Variants in GPR149 observed in about 807,000 individuals in gnomAD.
GPR149 encodes probable G protein-coupled receptor 149.
A neutral mutation model predicts 50.2 loss-of-function variants in GPR149; 50 were observed. The ratio of observed to expected loss-of-function variants is 1.00; its 90% confidence interval spans 0.79 to 1.26. The LOEUF (loss-of-function observed/expected upper bound fraction) is 1.26, where lower values mean the gene tolerates loss of function less well. Among genes scored for constraint, GPR149 ranks in the 50% most tolerant of loss-of-function variants. The pLI, the probability that GPR149 is intolerant of heterozygous loss-of-function variation, is 0.00. For synonymous variants in GPR149, 405 were observed against 358.2 expected (o/e 1.13, Z -1.48); for missense variants, 983 against 895.4 (o/e 1.10, Z -1.25).
At chr3:154,385,723 A>G (rs701119) in intron 3 of GPR149, among the ~76,000 whole-genome samples, 113,772 of 147,660 alleles carry the variant, frequency 0.77, 44,735 homozygotes, top group Middle Eastern at 0.91. Flanking sequence ...TTTTTTTTAT[A>G]AGGAGTCTTG....
At chr3:154,369,729 T>C (rs1472485919) in intron 3 of GPR149, among the ~76,000 whole-genome samples, 2 of 152,250 alleles carry the variant, frequency 1.3e-5, no homozygotes, top group Non-Finnish European at 2.9e-5. Context: ...AATTCTCAAA[T>C]GATCCTTATA....
chr3:154,408,072 T>C (rs1181788015), intron 3 of GPR149, among the ~76,000 whole-genome samples: 1 of 152,122 alleles, frequency 6.6e-6, no homozygotes, highest in Non-Finnish European at 1.5e-5. Flanking sequence ...AAAATAAATA[T>C]CTGTGAATCC....
At chr3:154,353,468 A>T (rs1714136211) in intron 3 of GPR149, 1 of 923,224 alleles carries the variant, frequency 1.1e-6, no homozygotes, top group African/African-American at 1.6e-5. Flanking sequence ...CCACTTCATC[A>T]AGCACAACAT....
chr3:154,369,136 G>A (rs949558744), intron 3 of GPR149, among the ~76,000 whole-genome samples: 6 of 152,150 alleles, frequency 3.9e-5, no homozygotes, highest in African/African-American at 9.7e-5. Context: ...GACTAACCAC[G>A]GGTGTGGGAA....
chr3:154,395,838 T>C (rs1055275731), intron 3 of GPR149, among the ~76,000 whole-genome samples: 2 of 152,148 alleles, frequency 1.3e-5, no homozygotes, highest in African/African-American at 2.4e-5. Context: ...AAATGTGATT[T>C]CTTTATAGAA....
chr3:154,401,634 A>T (rs569077670), intron 3 of GPR149, among the ~76,000 whole-genome samples: 1 of 152,286 alleles, frequency 6.6e-6, no homozygotes, highest in East Asian at 1.9e-4. Flanking sequence ...ATACATTTCA[A>T]CTTTCAGAAG....
intron 3 of GPR149, among the ~76,000 whole-genome samples, chr3:154,415,513 A>G (rs1711960929): frequency 6.6e-6 from 1 of 151,998 alleles, no homozygotes; most frequent in African/African-American, 2.4e-5. Context: ...TCTAAACTAT[A>G]CCAGATAATG....
intron 3 of GPR149, among the ~76,000 whole-genome samples, chr3:154,406,232 A>G (rs1257751793): frequency 3.3e-5 from 5 of 152,210 alleles, no homozygotes; most frequent in Non-Finnish European, 5.9e-5. Flanking sequence ...TTTCTCTCCT[A>G]TCACACTGGA....
intron 3 of GPR149, chr3:154,353,077 C>T (rs1178472182): frequency 2.1e-6 from 3 of 1,422,738 alleles, no homozygotes; most frequent in Non-Finnish European, 3.0e-6. Flanking sequence ...GCAATATCCC[C>T]ATGTAAACAC....
intron 3 of GPR149, among the ~76,000 whole-genome samples, chr3:154,392,388 C>A (rs544964330): frequency 1.3e-4 from 18 of 143,534 alleles, no homozygotes; most frequent in Non-Finnish European, 2.2e-4. Flanking sequence ...ACAAAAAAAC[C>A]CAAACAAAAA....
rs185539971 is a variant in GPR149, at chr3:154,426,636, C to G, written c.1174+880G>C. On this transcript the variant is annotated intron_variant, in intron 2 of 3. Transcript: ENST00000389740. ...TTCTTCCTGGCAGAGTCAAAATATA[C>G]AGCTCATTCCTCAACACTTTTCTTG... 1.3e-4 allele frequency among the ~76,000 whole-genome samples: 20 copies of G among 152,216 alleles called. No homozygotes were observed. The East Asian group carries it at 1.9e-3, about 15-fold the overall frequency.
chr3:154,345,297 TTACAAG>T (rs1437257018), intron 3 of GPR149, among the ~76,000 whole-genome samples: 3 of 152,234 alleles, frequency 2.0e-5, no homozygotes, highest in Admixed American at 6.5e-5. Context: ...ATGATGATAG[TTACAAG>T]TACATCAGAA....
At chr3:154,345,572 C>T (rs536594635) in intron 3 of GPR149, among the ~76,000 whole-genome samples, 2 of 152,262 alleles carry the variant, frequency 1.3e-5, no homozygotes, top group Non-Finnish European at 2.9e-5. Flanking sequence ...CTTTAAGCCA[C>T]ACAAATGCTC....
intron 3 of GPR149, among the ~76,000 whole-genome samples, chr3:154,380,170 G>GAC (rs1394458968): frequency 5.4e-5 from 1 of 18,518 alleles, no homozygotes; most frequent in East Asian, 1.8e-3. Flanking sequence ...GAGAGACAGA[G>GAC]AGAGAGAGAG....
At chr3:154,402,817 C>T (rs1298463509) in intron 3 of GPR149, among the ~76,000 whole-genome samples, 11 of 152,170 alleles carry the variant, frequency 7.2e-5, no homozygotes, top group Admixed American at 7.2e-4. Flanking sequence ...AACTTGAAAG[C>T]AGGAGGCTTA....
rs530618023 is a variant in GPR149, at chr3:154,364,619, A to G, written c.1624-26348T>C. Among the ~76,000 whole-genome samples, 78 of 152,388 alleles carry G rather than the reference A, an allele frequency of 5.1e-4. 1 individual carries two copies. The highest frequency in any genetic ancestry group is 1.8e-3 in the African/African-American group (75 of 41,598). ...AAAAGGGAGAAATAGGCAAGAAGAAAGAAGTAATACGTTTCAAGTAAGTCC... is the reference window on the plus strand; with the variant it reads ...AAAAGGGAGAAATAGGCAAGAAGAAGGAAGTAATACGTTTCAAGTAAGTCC... On this transcript the variant is annotated intron_variant, in intron 3 of 3. Transcript: ENST00000389740.
At chr3:154,388,045 T>C (rs929552445) in intron 3 of GPR149, among the ~76,000 whole-genome samples, 6 of 152,178 alleles carry the variant, frequency 3.9e-5, no homozygotes, top group African/African-American at 1.4e-4. Context: ...ATAATCATTT[T>C]TGCCTATTTT....
chr3:154,357,806 T>C (rs1470738316), intron 3 of GPR149, among the ~76,000 whole-genome samples: 1 of 152,184 alleles, frequency 6.6e-6, no homozygotes, highest in African/African-American at 2.4e-5. Flanking sequence ...ACCCAAAGGA[T>C]TATAAATCAT....
At chr3:154,415,947 A>G (rs2108426551) in intron 3 of GPR149, among the ~76,000 whole-genome samples, 1 of 152,006 alleles carries the variant, frequency 6.6e-6, no homozygotes, top group African/African-American at 2.4e-5. Flanking sequence ...GACTGGGTGG[A>G]GGCTATAAAT....
Sources: allele counts gnomAD v4.1 joint callset (sites outside exome capture counted in the v4.1 genomes callset), GRCh38; gene constraint gnomAD v4.1.1; transcripts MANE v1.5; gene names NCBI Gene and HGNC (gene_info 2026-07-23, HGNC 2026-07-21).